Variants in GRIK4 observed in about 807,000 individuals in gnomAD.
The protein encoded by GRIK4 is glutamate receptor ionotropic, kainate 4.
In GRIK4, 40 loss-of-function variants were observed where a neutral mutation model predicts 104.9. The ratio of observed to expected loss-of-function variants is 0.38; its 90% confidence interval spans 0.30 to 0.50. The LOEUF is 0.50. Among genes scored for constraint, GRIK4 ranks in the 20% least tolerant of loss-of-function variants. The pLI, the probability that GRIK4 is intolerant of heterozygous loss-of-function variation, is 0.93. For missense variants in GRIK4, 1,047 were observed against 1,308.1 expected (o/e 0.80, Z 3.08); for synonymous variants, 485 against 524.9 (o/e 0.92, Z 1.04).
chr11:120,689,669 C>A (rs182339434), intron 3 of GRIK4, among the ~76,000 whole-genome samples: 46 of 152,188 alleles, frequency 3.0e-4, no homozygotes, highest in Non-Finnish European at 5.9e-4. Context: ...ACCCAGATCA[C>A]ATATCACCTC....
At chr11:120,732,805 T>A (rs1483912804) in intron 3 of GRIK4, among the ~76,000 whole-genome samples, 1 of 152,246 alleles carries the variant, frequency 6.6e-6, no homozygotes, top group African/African-American at 2.4e-5. Flanking sequence ...GAAGAATGTG[T>A]ATTCTGCAGC....
At chr11:120,749,909 A>G (rs1591864256) in intron 3 of GRIK4, among the ~76,000 whole-genome samples, 1 of 152,204 alleles carries the variant, frequency 6.6e-6, no homozygotes, top group East Asian at 1.9e-4. Flanking sequence ...GTGGGTCCTG[A>G]GTTTAGGGTT....
At chr11:120,857,502 G>GCACA (rs60629273) in intron 8 of GRIK4, among the ~76,000 whole-genome samples, 1 of 150,096 alleles carries the variant, frequency 6.7e-6, no homozygotes, top group East Asian at 2.0e-4. Flanking sequence ...ATGCACACAT[G>GCACA]CACACACACA....
chr11:120,571,674 A>C (rs1948401668), intron 1 of GRIK4, among the ~76,000 whole-genome samples: 1 of 148,830 alleles, frequency 6.7e-6, no homozygotes, highest in African/African-American at 2.5e-5. Flanking sequence ...GGCCTGGCCC[A>C]CCCCCCTCAT....
intron 4 of GRIK4, among the ~76,000 whole-genome samples, chr11:120,813,609 G>A (rs1026387841): frequency 5.3e-5 from 8 of 152,146 alleles, no homozygotes; most frequent in Admixed American, 5.2e-4. Flanking sequence ...TAGTTCATAT[G>A]GTAAATTGCA....
chr11:120,702,209 C>T (rs1950564644), intron 3 of GRIK4, among the ~76,000 whole-genome samples: 1 of 152,170 alleles, frequency 6.6e-6, no homozygotes. Context: ...AGGCCTCGGC[C>T]TCCCAAAGTG....
chr11:120,912,497 G>A (rs183472010), intron 13 of GRIK4, among the ~76,000 whole-genome samples: 54 of 152,294 alleles, frequency 3.5e-4, no homozygotes, highest in Non-Finnish European at 5.3e-4. Context: ...GTTTTCTGCC[G>A]CTTGAAAGGA....
At chr11:120,922,562 G>A (rs531054367) in intron 13 of GRIK4, among the ~76,000 whole-genome samples, 4 of 152,160 alleles carry the variant, frequency 2.6e-5, no homozygotes, top group East Asian at 1.9e-4. Flanking sequence ...TGGTGTGTTC[G>A]ATGTGCGTAC....
chr11:120,624,777 T>C (rs7952478), intron 1 of GRIK4, among the ~76,000 whole-genome samples: 106,039 of 151,918 alleles, frequency 0.7, 37,303 homozygotes, highest in Non-Finnish European at 0.71. Context: ...CACCTCACCT[T>C]CTGCCCTTCA....
intron 3 of GRIK4, among the ~76,000 whole-genome samples, chr11:120,680,812 G>A (rs1950181012): frequency 6.6e-6 from 1 of 152,224 alleles, no homozygotes; most frequent in South Asian, 2.1e-4. Context: ...TGGAAGAGAG[G>A]AGAAGGAGAC....
chr11:120,929,228 C>G (rs1565445332), intron 13 of GRIK4, among the ~76,000 whole-genome samples: 1 of 152,154 alleles, frequency 6.6e-6, no homozygotes, highest in Non-Finnish European at 1.5e-5. Flanking sequence ...CTCTTTGTCT[C>G]CAGCCCGCGG....
At chr11:120,778,782 A>G (rs1314176062) in intron 3 of GRIK4, among the ~76,000 whole-genome samples, 1 of 152,198 alleles carries the variant, frequency 6.6e-6, no homozygotes, top group Non-Finnish European at 1.5e-5. Flanking sequence ...GTGGGGCCTC[A>G]GCTCTTTCTG....
intron 3 of GRIK4, among the ~76,000 whole-genome samples, chr11:120,779,245 C>T (rs1011971759): frequency 6.6e-6 from 1 of 152,164 alleles, no homozygotes; most frequent in African/African-American, 2.4e-5. Flanking sequence ...TGAGCCAGGG[C>T]GAAGGAAGGT....
chr11:120,871,142 G>A (rs1462966613), intron 9 of GRIK4: 2 of 157,346 alleles, frequency 1.3e-5, no homozygotes, highest in Non-Finnish European at 1.4e-5. Flanking sequence ...AAGGGAGAAG[G>A]TGGGACAGAA....
At chr11:120,791,829 G>C (rs946587585) in intron 3 of GRIK4, among the ~76,000 whole-genome samples, 1 of 152,138 alleles carries the variant, frequency 6.6e-6, no homozygotes, top group Non-Finnish European at 1.5e-5. Context: ...CACAGTTTGT[G>C]TAAAGACTTT....
Position 120,840,925 on chromosome 11 carries a change from T to C in GRIK4, c.744+4081T>C, listed in dbSNP as rs1431104618. 2.0e-5 allele frequency among the ~76,000 whole-genome samples: 3 copies of C among 152,120 alleles called. No individual in the cohort carries two copies. In the East Asian group the frequency reaches 5.8e-4, roughly 29 times the overall value. On this transcript the variant is annotated intron_variant, in intron 8 of 20. Transcript: ENST00000527524. ...CCATGGCCTGTGGTAACCTCCATGTTATTTTCTTCTCAGTGAGTTTGCCTA... is the reference window on the plus strand; with the variant it reads ...CCATGGCCTGTGGTAACCTCCATGTCATTTTCTTCTCAGTGAGTTTGCCTA...
intron 2 of GRIK4, among the ~76,000 whole-genome samples, chr11:120,658,626 G>C (rs1163056588): frequency 6.8e-6 from 1 of 147,930 alleles, no homozygotes; most frequent in East Asian, 2.1e-4. Context: ...CACCTTTTCA[G>C]ATGTTTGTAA....
At chr11:120,668,835 C>T (rs1949967093) in intron 3 of GRIK4, among the ~76,000 whole-genome samples, 1 of 152,186 alleles carries the variant, frequency 6.6e-6, no homozygotes, top group Admixed American at 6.5e-5. Flanking sequence ...TCAGTGTCTC[C>T]ATTTCTTCAT....
At chr11:120,787,213 C>G (rs1448518415) in intron 3 of GRIK4, among the ~76,000 whole-genome samples, 1 of 151,570 alleles carries the variant, frequency 6.6e-6, no homozygotes, top group Non-Finnish European at 1.5e-5. Context: ...CACATGTGGT[C>G]CCAGCTATTC....
Sources: gnomAD v4.1 joint callset for allele counts (sites outside exome capture counted in the v4.1 genomes callset) on GRCh38, gnomAD v4.1.1 for gene constraint, MANE v1.5 for transcripts, NCBI Gene and HGNC (gene_info 2026-07-23, HGNC 2026-07-21) for gene names.